Variants in CDK17 observed in about 807,000 individuals in gnomAD.
The protein encoded by CDK17 is cyclin dependent kinase 17.
Under a neutral mutation model 77.6 loss-of-function variants are expected in CDK17, and 24 were observed. That is an observed-to-expected ratio of 0.31 (90% CI 0.22 to 0.44). CDK17 has a LOEUF of 0.44. Among genes scored for constraint, CDK17 ranks in the 20% least tolerant of loss-of-function variants. CDK17 has a pLI of 1.00. For synonymous variants in CDK17, 203 were observed against 210.4 expected (o/e 0.96, Z 0.30); for missense variants, 429 against 622.5 (o/e 0.69, Z 3.31).
In CDK17 at chr12:96,298,891, T is replaced by C. The variant is rs1952454366; in HGVS notation, c.693A>G (p.Ala231=). The C allele has an allele frequency of 1.9e-6, 3 of 1,599,380 alleles. No homozygotes were observed. Among genetic ancestry groups the C allele is most frequent in the Non-Finnish European group, 2.6e-6 (3 of 1,167,344 alleles). Residue 231 remains alanine, a synonymous_variant, in exon 7 of 17, where the codon GCA becomes GCG. Coordinates refer to ENST00000261211, the MANE Select transcript of CDK17 (RefSeq NM_002595.5). ...TACCTTCTCTTATAGCTGTGCAGGG[T>C]GCACCTTCTTCATGTTCCAATCGGA... The part of the protein sequence containing the change: ...KEIRLEHEEG[A]PCTAIREVSL...
chr12:96,337,306 T>C (rs1953055536), intron 1 of CDK17, among the ~76,000 whole-genome samples: 1 of 152,024 alleles, frequency 6.6e-6, no homozygotes, highest in African/African-American at 2.4e-5. Flanking sequence ...TCAGCTTTTA[T>C]CTTCTTACCC....
At chr12:96,282,418 A>C in intron 15 of CDK17, 91 bp downstream of exon 15, 1 of 792,706 alleles carries the variant, frequency 1.3e-6, no homozygotes, top group Non-Finnish European at 2.2e-6. Context: ...TCTTAGGCTT[A>C]AAAATCAATA....
At chr12:96,325,722 C>A (rs747176387) in intron 2 of CDK17, among the ~76,000 whole-genome samples, 2 of 152,144 alleles carry the variant, frequency 1.3e-5, no homozygotes, top group African/African-American at 2.4e-5. Context: ...CATTCCCTGG[C>A]AGTACCTAAC....
chr12:96,342,739 CG>C (rs547565072), intron 1 of CDK17, among the ~76,000 whole-genome samples: 171 of 152,154 alleles, frequency 1.1e-3, no homozygotes, highest in African/African-American at 3.9e-3. Flanking sequence ...CCAAGGCAGG[CG>C]GATCACCTGA....
chr12:96,364,090 C>A (rs1953544300), intron 1 of CDK17, among the ~76,000 whole-genome samples: 1 of 152,158 alleles, frequency 6.6e-6, no homozygotes, highest in Non-Finnish European at 1.5e-5. Flanking sequence ...TTCTGTGTAT[C>A]AGTGGTTTCT....
At chr12:96,347,054 A>T (rs1025709660) in intron 1 of CDK17, among the ~76,000 whole-genome samples, 2 of 152,246 alleles carry the variant, frequency 1.3e-5, no homozygotes, top group African/African-American at 4.8e-5. Context: ...AAAACAGAGT[A>T]TGATAACAAG....
At chr12:96,303,621 G>T (rs965380971) in intron 5 of CDK17, 7 of 151,802 alleles carry the variant, frequency 4.6e-5, no homozygotes, top group Admixed American at 4.6e-4. Context: ...CTTTTTGACA[G>T]CCCCAAGCAA....
chr12:96,311,285 T>G, intron 4 of CDK17, 108 bp from the exon 5 acceptor site: 1 of 960,430 alleles, frequency 1.0e-6, no homozygotes, highest in Non-Finnish European at 1.5e-6. Context: ...TGTAAAGTTT[T>G]ATTGCAGTTG....
chr12:96,380,473 G>A lies in CDK17; in HGVS notation c.-30+19513C>T, dbSNP rs552632662. Among the ~76,000 whole-genome samples the A allele has an allele frequency of 2.0e-5, 3 of 152,026 alleles. No homozygotes were observed. The East Asian group carries it at 5.8e-4, about 30-fold the overall frequency. ...CCGGCTAATTTTTGTATTTTTAGTA[G>A]AGAGACGGGGTTTCGCCATCTTGGC... On this transcript the variant is annotated intron_variant, in intron 1 of 16. Coordinates refer to ENST00000261211, the MANE Select transcript of CDK17 (RefSeq NM_002595.5).
chr12:96,370,778 C>T (rs1953677926), intron 1 of CDK17, among the ~76,000 whole-genome samples: 4 of 152,086 alleles, frequency 2.6e-5, no homozygotes, highest in African/African-American at 2.4e-5. Context: ...TAAAACAATG[C>T]TATTCTCATA....
intron 1 of CDK17, among the ~76,000 whole-genome samples, chr12:96,380,047 T>C (rs1273955691): frequency 6.6e-6 from 1 of 151,556 alleles, no homozygotes; most frequent in Non-Finnish European, 1.5e-5. Context: ...CACACACCTG[T>C]AGTCCCAGCT....
At chr12:96,322,058 T>A (rs1952825705) in intron 3 of CDK17, among the ~76,000 whole-genome samples, 1 of 152,190 alleles carries the variant, frequency 6.6e-6, no homozygotes, top group Non-Finnish European at 1.5e-5. Context: ...AATAAATACT[T>A]GAGTACCATC....
intron 5 of CDK17, among the ~76,000 whole-genome samples, chr12:96,310,020 C>T (rs145501327): frequency 5.3e-5 from 8 of 152,120 alleles, no homozygotes; most frequent in African/African-American, 1.9e-4. Context: ...AAAAAACATG[C>T]ACAGGAATGG....
intron 1 of CDK17, among the ~76,000 whole-genome samples, chr12:96,358,459 G>C (rs1953439993): frequency 6.7e-6 from 1 of 148,756 alleles, no homozygotes; most frequent in Non-Finnish European, 1.5e-5. Flanking sequence ...TTTTAAGACA[G>C]TAAAATGTAT....
At chr12:96,349,724 TG>T (rs1163110881) in intron 1 of CDK17, among the ~76,000 whole-genome samples, 2 of 152,170 alleles carry the variant, frequency 1.3e-5, no homozygotes, top group African/African-American at 4.8e-5. Flanking sequence ...CAAAGATGCC[TG>T]CTTTCACCAC....
At chr12:96,304,509 C>T (rs35259570) in intron 5 of CDK17, among the ~76,000 whole-genome samples, 7,883 of 151,548 alleles carry the variant, frequency 0.052, 270 homozygotes, top group Non-Finnish European at 0.064. Flanking sequence ...TGCACTCCAG[C>T]CTGGCGACAG....
intron 1 of CDK17, among the ~76,000 whole-genome samples, chr12:96,353,080 A>G (rs1953335065): frequency 6.6e-6 from 1 of 152,240 alleles, no homozygotes; most frequent in Non-Finnish European, 1.5e-5. Context: ...TCATATACTA[A>G]TAAGTATTAC....
chr12:96,299,012 C>G (rs1232335954), intron 6 of CDK17, 29 bp from the exon 7 acceptor site: 1 of 1,098,876 alleles, frequency 9.1e-7, no homozygotes, highest in African/African-American at 1.6e-5. Flanking sequence ...AAGGACGCAT[C>G]AAAAGTATCA....
intron 9 of CDK17, among the ~76,000 whole-genome samples, chr12:96,295,669 A>C (rs1952394643): frequency 6.6e-6 from 1 of 152,190 alleles, no homozygotes; most frequent in African/African-American, 2.4e-5. Context: ...ACTTACTATA[A>C]AACTAACCTA....
Sources: allele counts gnomAD v4.1 joint callset (sites outside exome capture counted in the v4.1 genomes callset), GRCh38; gene constraint gnomAD v4.1.1; transcripts MANE v1.5; gene names NCBI Gene and HGNC (gene_info 2026-07-23, HGNC 2026-07-21).